The following ANO4 variants were observed in gnomAD, a reference collection of about 807,000 sequenced individuals.
The protein encoded by ANO4 is anoctamin-4.
A neutral mutation model predicts 141.9 loss-of-function variants in ANO4; 69 were observed. The observed-to-expected ratio is 0.49, with a 90% confidence interval of 0.40 to 0.59. The LOEUF is 0.59. Ranked by LOEUF, ANO4 falls within the 20% of genes least tolerant of loss-of-function variation. ANO4 has a pLI of 0.00. For missense variants in ANO4, 894 were observed against 1,162.2 expected (o/e 0.77, Z 3.36); for synonymous variants, 350 against 394.3 (o/e 0.89, Z 1.33).
chr12:101,057,928 G>C (rs976845536), intron 14 of ANO4, among the ~76,000 whole-genome samples: 2 of 152,156 alleles, frequency 1.3e-5, no homozygotes, highest in African/African-American at 4.8e-5. Context: ...TAGTCATGAA[G>C]TCTTTGCCCA....
At chr12:100,939,541 C>G (rs555525869) in intron 4 of ANO4, 90 bp downstream of exon 4, 4 of 1,374,656 alleles carry the variant, frequency 2.9e-6, no homozygotes, top group African/African-American at 2.9e-5. Context: ...AAGTCATAAT[C>G]TCATTGAACT....
chr12:100,871,797 C>G (rs2039049419), intron 1 of ANO4, among the ~76,000 whole-genome samples: 1 of 152,152 alleles, frequency 6.6e-6, no homozygotes, highest in African/African-American at 2.4e-5. Context: ...TATAAGAGCA[C>G]TAATTCCATT....
chr12:100,871,597 A>T (rs1195067210), intron 1 of ANO4, among the ~76,000 whole-genome samples: 1 of 152,226 alleles, frequency 6.6e-6, no homozygotes. Flanking sequence ...CATTCTGCAT[A>T]CACTCTGATT....
intron 25 of ANO4, among the ~76,000 whole-genome samples, chr12:101,117,312 A>C (rs1431151041): frequency 6.6e-6 from 1 of 152,186 alleles, no homozygotes; most frequent in African/African-American, 2.4e-5. Context: ...CTCTCCCTCT[A>C]AAAGGAAATG....
rs1186544612 is a variant in ANO4 at position 100,854,184 on chromosome 12, T to A, written c.-140-47462T>A. Among the ~76,000 whole-genome samples the A allele has an allele frequency of 2.0e-5, 3 of 152,190 alleles. No individual in the cohort carries two copies. In the East Asian group the frequency reaches 5.8e-4, roughly 29 times the overall value. On this transcript the variant is annotated intron_variant, in intron 1 of 27. Coordinates refer to ENST00000392977, the MANE Select transcript of ANO4 (RefSeq NM_001286615.2). ...AGTGATAGTTATTTTTTCTTAGTTC[T>A]TAGAAGATAATCTTTTTGGATGTCC...
intron 1 of ANO4, among the ~76,000 whole-genome samples, chr12:100,866,655 T>C (rs1221849825): frequency 6.6e-6 from 1 of 152,184 alleles, no homozygotes; most frequent in Non-Finnish European, 1.5e-5. Context: ...GAATTGTGGC[T>C]GTGTTTCCTG....
chr12:100,922,360 G>T (rs150462294), intron 3 of ANO4, 30 bp downstream of exon 3: 1 of 1,464,082 alleles, frequency 6.8e-7, no homozygotes, highest in Admixed American at 2.2e-5. Flanking sequence ...TAAATTCGCC[G>T]TGAGAGAAGA....
intron 5 of ANO4, among the ~76,000 whole-genome samples, chr12:100,947,912 G>A (rs1566044189): frequency 6.6e-6 from 1 of 152,104 alleles, no homozygotes; most frequent in East Asian, 1.9e-4. Flanking sequence ...GGCAGGGCAT[G>A]GTGGCTCATG....
chr12:100,868,579 G>A (rs2038876666), intron 1 of ANO4, among the ~76,000 whole-genome samples: 1 of 152,044 alleles, frequency 6.6e-6, no homozygotes, highest in African/African-American at 2.4e-5. Flanking sequence ...TATCTCCATT[G>A]ATAACAAAGA....
rs1181810761 is a variant in ANO4 at position 100,923,988 on chromosome 12, G to GT, written c.160+1666dup. ...TGCCCACTTTTTGATGGGGTTGTTT[G>GT]TTTTTTTTCTTGTAAATTTATCTGA... On this transcript the variant is annotated intron_variant, in intron 3 of 27. Coordinates refer to ENST00000392977, the MANE Select transcript of ANO4 (RefSeq NM_001286615.2). Among the ~76,000 whole-genome samples the GT allele has an allele frequency of 1.4e-3, 214 of 149,116 alleles. 2 individuals carry two copies. Among genetic ancestry groups the GT allele is most frequent in the African/African-American group, 5.3e-3 (205 of 38,890 alleles).
intron 8 of ANO4, among the ~76,000 whole-genome samples, chr12:100,995,239 T>C (rs1022762926): frequency 6.6e-6 from 1 of 151,822 alleles, no homozygotes; most frequent in Non-Finnish European, 1.5e-5. Flanking sequence ...TTGGAAAAAA[T>C]CTTGCAGGAG....
chr12:100,904,837 G>C (rs760631152), intron 2 of ANO4, among the ~76,000 whole-genome samples: 5 of 152,180 alleles, frequency 3.3e-5, no homozygotes, highest in Admixed American at 6.5e-5. Context: ...AAGGAGAAAG[G>C]TCAGATAGGA....
intron 5 of ANO4, among the ~76,000 whole-genome samples, chr12:100,963,549 GAATCAGCTGAAGAGCATTTGT>G: frequency 6.6e-6 from 1 of 151,982 alleles, no homozygotes; most frequent in Non-Finnish European, 1.5e-5. Context: ...AATTGCATCC[GAATCAGCTGAAGAGCATTTGT>G]AAACTACACT....
At chr12:101,086,276 G>A (rs1404251268) in intron 16 of ANO4, among the ~76,000 whole-genome samples, 1 of 152,112 alleles carries the variant, frequency 6.6e-6, no homozygotes, top group African/African-American at 2.4e-5. Flanking sequence ...AGAGGGTCTT[G>A]CAGGCTGCGT....
At chr12:100,842,076 C>CCCCG (rs1252779548) in intron 1 of ANO4, 4 of 96,738 alleles carry the variant, frequency 4.1e-5, no homozygotes, top group Admixed American at 1.1e-4. Context: ...CCCCCCCCCC[C>CCCCG]CACTGAAAGC....
chr12:100,886,658 C>G (rs2039845911), intron 1 of ANO4, among the ~76,000 whole-genome samples: 1 of 152,126 alleles, frequency 6.6e-6, no homozygotes, highest in African/African-American at 2.4e-5. Flanking sequence ...CCAAATCCAG[C>G]CTATTGCTTA....
In ANO4 at chr12:101,081,838, G is replaced by A. The variant is rs78639788; in HGVS notation, c.1396-1840G>A. 2.6e-3 allele frequency among the ~76,000 whole-genome samples: 401 copies of A among 152,080 alleles called. 7 individuals are homozygous for A. In the East Asian group the frequency reaches 0.06, roughly 23 times the overall value. On this transcript the variant is annotated intron_variant, in intron 15 of 27. Coordinates refer to ENST00000392977, the MANE Select transcript of ANO4 (RefSeq NM_001286615.2). ...CATCTTCTCCCTGTGTCTTCACATC[G>A]TCTTCCCCCTGGGTGTCTCTGTGTC...
At chr12:101,076,530 A>G (rs575831090) in intron 14 of ANO4, among the ~76,000 whole-genome samples, 4 of 152,352 alleles carry the variant, frequency 2.6e-5, no homozygotes, top group African/African-American at 9.6e-5. Context: ...CAGCAGGAAT[A>G]CTGAAGAAGG....
At position 100,996,715 on chromosome 12, in the gene ANO4, G is replaced by A. The variant is rs116980945; in HGVS notation, c.734+9045G>A. Among the ~76,000 whole-genome samples, 261 of 152,254 alleles carry A rather than the reference G, an allele frequency of 1.7e-3. 4 individuals carry two copies. The East Asian group carries it at 0.025, about 14-fold the overall frequency. On this transcript the variant is annotated intron_variant, in intron 8 of 27. Coordinates refer to ENST00000392977, the MANE Select transcript of ANO4 (RefSeq NM_001286615.2). ...GGCAGTGGGGCAGGGAGAAGAATGG[G>A]AAATTGTTGCTGGAGGGACAGTGAG...
Sources: gnomAD v4.1 joint callset for allele counts (sites outside exome capture counted in the v4.1 genomes callset) on GRCh38, gnomAD v4.1.1 for gene constraint, MANE v1.5 for transcripts, NCBI Gene and HGNC (gene_info 2026-07-23, HGNC 2026-07-21) for gene names.